C5orf34: variants seen among roughly 807,000 people sequenced by gnomAD.
C5orf34 encodes the protein uncharacterized protein C5orf34.
A neutral mutation model predicts 78.4 loss-of-function variants in C5orf34; 73 were observed. The ratio of observed to expected loss-of-function variants is 0.93; its 90% CI spans 0.77 to 1.13. The LOEUF is 1.13. C5orf34 is among the 50% of genes most tolerant of loss of function. The pLI, the probability that C5orf34 is intolerant of heterozygous loss-of-function variation, is 0.00. For synonymous variants in C5orf34, 251 were observed against 246.6 expected (o/e 1.02, Z -0.17); for missense variants, 730 against 732.7 (o/e 1.00, Z 0.04).
At chr5:43,488,494 T>C (rs1458121555) in intron 11 of C5orf34, 3 of 152,198 alleles carry the variant, frequency 2.0e-5, no homozygotes, top group Non-Finnish European at 4.4e-5. Flanking sequence ...TAAGACCTCA[T>C]TTATATGGAA....
At chr5:43,496,639 G>A (rs1339523884) in intron 6 of C5orf34, among the ~76,000 whole-genome samples, 1 of 145,364 alleles carries the variant, frequency 6.9e-6, no homozygotes, top group African/African-American at 2.6e-5. Context: ...CCCAGGGCTG[G>A]AGTACAGTGG....
At chr5:43,508,825 G>GGTTC (rs1746099993) in intron 2 of C5orf34, among the ~76,000 whole-genome samples, 159 bp from the exon 3 acceptor site, 1 of 152,210 alleles carries the variant, frequency 6.6e-6, no homozygotes, top group Non-Finnish European at 1.5e-5. Context: ...CAGGCACGGT[G>GGTTC]GTTCACTCCT....
At chr5:43,509,764 GTTTT>G (rs560389477) in intron 1 of C5orf34, among the ~76,000 whole-genome samples, 2 of 149,910 alleles carry the variant, frequency 1.3e-5, no homozygotes, top group African/African-American at 4.9e-5. Flanking sequence ...TGTTTTTTTT[GTTTT>G]TTTTTGAGAT....
intron 1 of C5orf34, among the ~76,000 whole-genome samples, chr5:43,511,482 G>A (rs1746256769): frequency 6.6e-6 from 1 of 152,078 alleles, no homozygotes; most frequent in African/African-American, 2.4e-5. Context: ...CGCCCCTTCT[G>A]GGAAGTGAGG....
chr5:43,493,000 A>G (rs1166045847), intron 8 of C5orf34, 110 bp from the exon 9 acceptor site: 1 of 674,538 alleles, frequency 1.5e-6, no homozygotes, highest in African/African-American at 1.8e-5. Flanking sequence ...GAAGTCAAAT[A>G]TTATAAAATC....
Position 43,494,572 on chromosome 5 carries a change from G to A in C5orf34, c.1182C>T (p.Asn394=). 6.2e-7 allele frequency: 1 copy of A among 1,602,866 alleles called. No homozygotes were observed. Among genetic ancestry groups the A allele is most frequent in the East Asian group, 2.2e-5 (1 of 44,692 alleles). ...GACTTCCCGGTCTATCTGGAGGAAG[G>A]TTATTTACTGAGTAAGTTTTCTCTT... ...KREEKTYSVN[N]LPPDRPGSPF... Residue 394 remains asparagine (N), a synonymous_variant, in exon 7 of 13, where the codon AAC becomes AAT. Coordinates refer to ENST00000306862, the MANE Select transcript of C5orf34 (RefSeq NM_198566.4).
intron 12 of C5orf34, among the ~76,000 whole-genome samples, chr5:43,487,620 ATAATT>A (rs1260522584): frequency 6.6e-6 from 1 of 152,156 alleles, no homozygotes; most frequent in African/African-American, 2.4e-5. Context: ...TTAAACAGTT[ATAATT>A]TTATTATATA....
rs750149096 is a variant in C5orf34 at position 43,487,013 on chromosome 5, G to A, written c.1819C>T (p.Leu607=). ...ACTCTATTTTCATTAACTTCTCCTAGCAAGGTTTCTGAAGATCCTGGTTTA... is the reference window on the plus strand; with the variant it reads ...ACTCTATTTTCATTAACTTCTCCTAACAAGGTTTCTGAAGATCCTGGTTTA... ...HYKPGSSETL[L]GEVNENRVSI... The change falls in exon 13 of 13, where the codon CTA becomes TTA. Residue 607 remains leucine, a synonymous_variant. Transcript: ENST00000306862. The A allele has an allele frequency of 2.3e-5, 36 of 1,586,884 alleles. No homozygotes were observed. Among genetic ancestry groups the A allele is most frequent in the Non-Finnish European group, 3.0e-5 (35 of 1,165,402 alleles).
chr5:43,509,755 GTTTT>G (rs903969929), intron 1 of C5orf34, among the ~76,000 whole-genome samples: 1 of 151,270 alleles, frequency 6.6e-6, no homozygotes, highest in Non-Finnish European at 1.5e-5. Flanking sequence ...ATTTCTTTTT[GTTTT>G]TTTTGTTTTT....
intron 6 of C5orf34, among the ~76,000 whole-genome samples, chr5:43,500,550 C>T (rs1745715386): frequency 6.6e-6 from 1 of 152,186 alleles, no homozygotes; most frequent in Admixed American, 6.5e-5. Flanking sequence ...CAAGCACCAC[C>T]ATGCCTGGCT....
chr5:43,487,830 C>T (rs1464687487), intron 12 of C5orf34, 79 bp downstream of exon 12: 1 of 1,062,452 alleles, frequency 9.4e-7, no homozygotes, highest in South Asian at 1.4e-5. Flanking sequence ...TTAATATTCA[C>T]AAAGTACTGA....
At position 43,509,255 on chromosome 5, in the gene C5orf34, G is replaced by T. The variant is rs867313142; in HGVS notation, c.85C>A (p.Pro29Thr). Reference sequence around the variant, plus strand: ...TCAAATAAAAATTCAGAGCCACAGGGAGAAAGTTGCAATGTGGAACCATCA... The same window carrying T: ...TCAAATAAAAATTCAGAGCCACAGGTAGAAAGTTGCAATGTGGAACCATCA... Reference protein sequence around the residue: ...YVDGSTLQLSPCGSEFLFEKS... With the variant: ...YVDGSTLQLSTCGSEFLFEKS... Residue 29 changes from proline to threonine, a missense_variant, in exon 2 of 13, where the codon CCC becomes ACC. Transcript: ENST00000306862. The T allele has an allele frequency of 6.2e-7, 1 of 1,613,936 alleles. No homozygotes were observed. Among genetic ancestry groups the T allele is most frequent in the African/African-American group, 1.3e-5 (1 of 74,926 alleles).
chr5:43,495,503 T>A (rs142521440), intron 6 of C5orf34: 38,531 of 1,607,810 alleles, frequency 0.024, 602 homozygotes, highest in Middle Eastern at 0.045. Flanking sequence ...ACGACGAACA[T>A]CCTTGACAGA....
chr5:43,495,231 T>C, intron 6 of C5orf34: 6 of 1,608,972 alleles, frequency 3.7e-6, no homozygotes, highest in Non-Finnish European at 5.1e-6. Context: ...CTCTCAACAA[T>C]GGGCTTGCCA....
In C5orf34 at chr5:43,487,082, G is replaced by T; in HGVS notation, c.1750C>A (p.Gln584Lys). Residue 584 changes from glutamine to lysine, a missense_variant, in exon 13 of 13, where the codon CAG (glutamine) becomes AAG (lysine). Gln to Lys is a moderately conservative substitution (Grantham distance 53, BLOSUM62 1). Coordinates refer to ENST00000306862, the MANE Select transcript of C5orf34 (RefSeq NM_198566.4). ...LLLENSGILN[Q>K]ISNKKNEQQS... The stretch of plus-strand genomic sequence containing the variant: ...TGTTCATTTTTCTTGTTAGAAATCT[G>T]GTTTAGGATACCACTATTTTCTAGT... 6.4e-7 allele frequency: 1 copy of T among 1,550,420 alleles called. No homozygotes were observed. Among genetic ancestry groups the T allele is most frequent in the South Asian group, 1.3e-5 (1 of 79,846 alleles).
chr5:43,503,564 T>A, intron 5 of C5orf34, 101 bp downstream of exon 5: 1 of 819,640 alleles, frequency 1.2e-6, no homozygotes, highest in Non-Finnish European at 2.1e-6. Context: ...AACAGAACTG[T>A]GTCCTCTTCT....
At chr5:43,511,998 C>T (rs1341282675) in intron 1 of C5orf34, among the ~76,000 whole-genome samples, 1 of 146,462 alleles carries the variant, frequency 6.8e-6, no homozygotes, top group Admixed American at 7.0e-5. Flanking sequence ...AAATCCCCCT[C>T]TGTGAGAAAC....
At chr5:43,507,870 A>C (rs1204517720) in intron 3 of C5orf34, among the ~76,000 whole-genome samples, 1 of 151,912 alleles carries the variant, frequency 6.6e-6, no homozygotes, top group Admixed American at 6.5e-5. Context: ...CGAGGTCAGG[A>C]GATCGAGACC....
At chr5:43,493,491 AAAC>A in intron 8 of C5orf34, 49 bp downstream of exon 8, 3 of 1,125,528 alleles carry the variant, frequency 2.7e-6, no homozygotes, top group Non-Finnish European at 4.0e-6. Flanking sequence ...GTATGGATAT[AAAC>A]AATAAAACAA....
Sources: allele counts gnomAD v4.1 joint callset (sites outside exome capture counted in the v4.1 genomes callset), GRCh38; gene constraint gnomAD v4.1.1; transcripts MANE v1.5; gene names NCBI Gene and HGNC (gene_info 2026-07-23, HGNC 2026-07-21).